TOR1AIP1: variants seen among roughly 807,000 people sequenced by gnomAD.
TOR1AIP1 encodes the protein torsin 1A interacting protein 1, also known as torsin-1A-interacting protein 1.
A neutral mutation model predicts 63.3 loss-of-function variants in TOR1AIP1; 54 were observed. The observed-to-expected ratio is 0.85, with a 90% CI of 0.69 to 1.07. TOR1AIP1 has a LOEUF of 1.07. Among genes scored for constraint, TOR1AIP1 ranks in the 50% least tolerant of loss-of-function variants. The pLI, the probability that TOR1AIP1 is intolerant of heterozygous loss-of-function variation, is 0.00. For synonymous variants in TOR1AIP1, 294 were observed against 273.5 expected (o/e 1.07, Z -0.74); for missense variants, 736 against 715.0 (o/e 1.03, Z -0.33).
chr1:179,913,206 C>T (rs1648895120), intron 8 of TOR1AIP1, among the ~76,000 whole-genome samples: 3 of 151,146 alleles, frequency 2.0e-5, no homozygotes, highest in South Asian at 4.2e-4. Flanking sequence ...TCAAGCTGTC[C>T]TGTCACCTCA....
At chr1:179,911,269 G>A (rs1045076417) in intron 8 of TOR1AIP1, among the ~76,000 whole-genome samples, 1 of 152,152 alleles carries the variant, frequency 6.6e-6, no homozygotes, top group Non-Finnish European at 1.5e-5. Context: ...TCCTCTTCAA[G>A]AATATTAAAA....
At chr1:179,883,120 T>G in intron 1 of TOR1AIP1, 143 bp downstream of exon 1, 1 of 784,006 alleles carries the variant, frequency 1.3e-6, no homozygotes. Context: ...TCTGGACTTG[T>G]GCCGCCGTGC....
chr1:179,908,563 A>G (rs1420652818), intron 7 of TOR1AIP1, 42 bp from the exon 8 acceptor site: 1 of 1,538,938 alleles, frequency 6.5e-7, no homozygotes, highest in South Asian at 1.1e-5. Flanking sequence ...ATAAACTTTC[A>G]AAGTATGGGA....
intron 5 of TOR1AIP1, among the ~76,000 whole-genome samples, chr1:179,902,019 CTTTTT>C (rs767712125): frequency 2.0e-5 from 2 of 98,794 alleles, no homozygotes; most frequent in African/African-American, 7.8e-5. Flanking sequence ...AATTCCAATT[CTTTTT>C]TTTTTTTTTT....
At chr1:179,888,615 CAT>C (rs541426837) in intron 2 of TOR1AIP1, among the ~76,000 whole-genome samples, 23 of 152,254 alleles carry the variant, frequency 1.5e-4, no homozygotes, top group African/African-American at 5.5e-4. Flanking sequence ...AGAGCTAAGA[CAT>C]AATGCTTTTT....
chr1:179,890,533 GTC>G lies in TOR1AIP1; in HGVS notation c.610+1168_610+1169del, dbSNP rs1648036859. Among the ~76,000 whole-genome samples the G allele has an allele frequency of 2.0e-5, 3 of 152,098 alleles. No individual in the cohort carries two copies. In the South Asian group the frequency reaches 6.2e-4, roughly 32 times the overall value. On this transcript the variant is annotated intron_variant, in intron 3 of 9. Transcript: ENST00000606911. ...TCAACCCTAATCATTCTCTTGCTATGTCTCTTGCAGATTCGACATACAAAACA... is the reference window on the plus strand; with the variant it reads ...TCAACCCTAATCATTCTCTTGCTATGTCTTGCAGATTCGACATACAAAACA...
intron 3 of TOR1AIP1, among the ~76,000 whole-genome samples, chr1:179,892,309 T>C (rs1648109069): frequency 6.8e-6 from 1 of 147,712 alleles, no homozygotes; most frequent in African/African-American, 2.5e-5. Flanking sequence ...CCGTCTCTAC[T>C]AAAAGTACAA....
chr1:179,907,649 TG>T (rs1231680506), intron 6 of TOR1AIP1, among the ~76,000 whole-genome samples, 173 bp from the exon 7 acceptor site: 2 of 144,532 alleles, frequency 1.4e-5, no homozygotes, highest in East Asian at 2.0e-4. Flanking sequence ...AGTATATGTA[TG>T]TTTTTTATAT....
At position 179,918,262 on chromosome 1, in the gene TOR1AIP1, A is replaced by G; in HGVS notation, c.*23A>G. The G allele has an allele frequency of 6.4e-7, 1 of 1,555,282 alleles. No homozygotes were observed. Among genetic ancestry groups the G allele is most frequent in the South Asian group, 1.2e-5 (1 of 83,724 alleles). ...TAAGAAGTGAGAGAGAAGAAAAATC[A>G]TGTCCCAAGTTCTGAGAATTGTTCA... On this transcript the variant is annotated 3_prime_UTR_variant, in exon 10 of 10. Coordinates refer to ENST00000606911, the MANE Select transcript of TOR1AIP1 (RefSeq NM_015602.4).
At chr1:179,885,732 C>T (rs2148470365) in intron 2 of TOR1AIP1, among the ~76,000 whole-genome samples, 1 of 152,114 alleles carries the variant, frequency 6.6e-6, no homozygotes, top group East Asian at 1.9e-4. Context: ...CACCTTCATG[C>T]TAATTTTTTT....
intron 6 of TOR1AIP1, chr1:179,904,659 C>T (rs1434493654): frequency 6.6e-6 from 1 of 152,066 alleles, no homozygotes; most frequent in African/African-American, 2.4e-5. Flanking sequence ...CAGGTTTTCA[C>T]TCTGTTACCC....
At chr1:179,891,615 G>A (rs1384878854) in intron 3 of TOR1AIP1, among the ~76,000 whole-genome samples, 1 of 149,464 alleles carries the variant, frequency 6.7e-6, no homozygotes, top group East Asian at 2.0e-4. Context: ...ACCGAGGCTG[G>A]AGTGCAATGG....
intron 3 of TOR1AIP1, among the ~76,000 whole-genome samples, chr1:179,894,265 A>G (rs1648196346): frequency 1.3e-5 from 2 of 151,992 alleles, no homozygotes; most frequent in South Asian, 4.2e-4. Context: ...AAAAAAAAAA[A>G]AGAATAAAGA....
intron 6 of TOR1AIP1, among the ~76,000 whole-genome samples, chr1:179,906,927 C>T (rs908068834): frequency 1.3e-5 from 2 of 151,378 alleles, no homozygotes; most frequent in East Asian, 4.0e-4. Context: ...TTAGTAGAGA[C>T]GGGGTTTCAC....
chr1:179,892,783 A>G (rs1041753427), intron 3 of TOR1AIP1, among the ~76,000 whole-genome samples: 2 of 152,058 alleles, frequency 1.3e-5, no homozygotes, highest in Non-Finnish European at 2.9e-5. Flanking sequence ...TTGGAACTGA[A>G]ATAACCTAAC....
chr1:179,883,604 G>C (rs1647815170), intron 1 of TOR1AIP1: 1 of 456,270 alleles, frequency 2.2e-6, no homozygotes, highest in Non-Finnish European at 4.4e-6. Context: ...GCTGATTGCT[G>C]TTTCTCCAGT....
chr1:179,900,021 T>C, intron 3 of TOR1AIP1, 105 bp from the exon 4 acceptor site: 1 of 794,982 alleles, frequency 1.3e-6, no homozygotes, highest in Non-Finnish European at 2.0e-6. Flanking sequence ...GATGCTCTTT[T>C]ATTTATTCCT....
At chr1:179,904,419 G>A (rs576794579) in intron 6 of TOR1AIP1, among the ~76,000 whole-genome samples, 201 of 152,230 alleles carry the variant, frequency 1.3e-3, no homozygotes, top group Non-Finnish European at 2.3e-3. Flanking sequence ...TTGGAAGGAT[G>A]AATAAATAAG....
At chr1:179,883,493 C>G in intron 1 of TOR1AIP1, 2 of 388,646 alleles carry the variant, frequency 5.1e-6, no homozygotes, top group South Asian at 1.9e-5. Flanking sequence ...CGAGGGATTG[C>G]TGAGTTTAGT....
Sources: allele counts gnomAD v4.1 joint callset (sites outside exome capture counted in the v4.1 genomes callset), GRCh38; gene constraint gnomAD v4.1.1; transcripts MANE v1.5; gene names NCBI Gene and HGNC (gene_info 2026-07-23, HGNC 2026-07-21).